Variants in LACTB2 observed in about 807,000 individuals in gnomAD.
The protein encoded by LACTB2 is lactamase beta 2, also known as endoribonuclease LACTB2.
In LACTB2, 32 loss-of-function variants were observed where a neutral mutation model predicts 34.8. The observed-to-expected ratio is 0.92, with a 90% CI of 0.69 to 1.24. The LOEUF (loss-of-function observed/expected upper bound fraction) is 1.24, where lower values mean the gene tolerates loss of function less well. Ranked by LOEUF, LACTB2 falls within the 50% of genes most tolerant of loss-of-function variation. The pLI is 0.00. For missense variants in LACTB2, 320 were observed against 345.0 expected (o/e 0.93, Z 0.57); for synonymous variants, 120 against 117.5 (o/e 1.02, Z -0.14).
chr8:70,645,543 G>A (rs573736864), intron 3 of LACTB2, among the ~76,000 whole-genome samples: 140 of 151,100 alleles, frequency 9.3e-4, no homozygotes, highest in Non-Finnish European at 1.4e-3. Flanking sequence ...TGTGCACAAC[G>A]TGCAGGTTAG....
intron 3 of LACTB2, among the ~76,000 whole-genome samples, chr8:70,655,535 CT>C (rs1818400039): frequency 6.6e-6 from 1 of 152,036 alleles, no homozygotes; most frequent in South Asian, 2.1e-4. Flanking sequence ...TAATTCATTC[CT>C]TTTTATGGCT....
At chr8:70,666,470 G>A (rs1271055814) in intron 1 of LACTB2, among the ~76,000 whole-genome samples, 1 of 152,198 alleles carries the variant, frequency 6.6e-6, no homozygotes, top group African/African-American at 2.4e-5. Flanking sequence ...CTGAGACAGG[G>A]AATCACAAAC....
intron 2 of LACTB2, chr8:70,660,594 T>A (rs962050197): frequency 1.1e-5 from 5 of 456,220 alleles, no homozygotes; most frequent in Non-Finnish European, 2.2e-5. Context: ...GCCCTGAATG[T>A]GCCAACCACA....
At chr8:70,643,558 A>G (rs112729006) in intron 4 of LACTB2, among the ~76,000 whole-genome samples, 7 of 151,592 alleles carry the variant, frequency 4.6e-5, no homozygotes, top group African/African-American at 1.7e-4. Context: ...TCTGTCACCC[A>G]GGCTGGCATG....
chr8:70,647,059 A>G (rs1428906476), intron 3 of LACTB2, among the ~76,000 whole-genome samples: 1 of 152,218 alleles, frequency 6.6e-6, no homozygotes, highest in African/African-American at 2.4e-5. Flanking sequence ...TCCTTACACT[A>G]CTTTGGGTTG....
At chr8:70,668,092 T>C (rs1391957022) in intron 1 of LACTB2, among the ~76,000 whole-genome samples, 1 of 152,224 alleles carries the variant, frequency 6.6e-6, no homozygotes, top group Non-Finnish European at 1.5e-5. Flanking sequence ...GGTCTGCTGC[T>C]TCTAAAATTC....
chr8:70,640,887 A>C lies in LACTB2; in HGVS notation c.741+15T>G. 1 of 1,562,394 alleles carries C rather than the reference A, an allele frequency of 6.4e-7. No individual in the cohort carries two copies. Among genetic ancestry groups the C allele is most frequent in the Non-Finnish European group, 8.6e-7 (1 of 1,158,002 alleles). ...AAATTTGTGGCTACATACAAATAAG[A>C]AAACTGAAAATTACCTTGTAAATAA... On this transcript the variant is annotated intron_variant, in intron 5 of 6. Transcript: ENST00000276590.
At chr8:70,665,529 A>C (rs1472633478) in intron 1 of LACTB2, among the ~76,000 whole-genome samples, 4 of 152,228 alleles carry the variant, frequency 2.6e-5, no homozygotes, top group Non-Finnish European at 5.9e-5. Context: ...AGATGTTATG[A>C]GGAAAGCAGA....
At chr8:70,660,606 T>C (rs926580593) in intron 2 of LACTB2, 2 of 456,290 alleles carry the variant, frequency 4.4e-6, no homozygotes, top group Non-Finnish European at 8.8e-6. Context: ...CCAACCACAC[T>C]CTCATTCCAC....
At chr8:70,665,373 T>C (rs1164334421) in intron 1 of LACTB2, among the ~76,000 whole-genome samples, 5 of 152,226 alleles carry the variant, frequency 3.3e-5, no homozygotes, top group African/African-American at 1.2e-4. Flanking sequence ...AAATTTTTAA[T>C]TGATGGAAAA....
intron 2 of LACTB2, 109 bp from the exon 3 acceptor site, chr8:70,657,991 C>T (rs1345560274): frequency 1.5e-6 from 1 of 647,048 alleles, no homozygotes; most frequent in Non-Finnish European, 2.4e-6. Flanking sequence ...AAAATATTAA[C>T]ATTAAGAGAC....
intron 3 of LACTB2, among the ~76,000 whole-genome samples, chr8:70,650,735 CAAAAAAAAAAAAA>C (rs61025700): frequency 1.1e-4 from 5 of 46,206 alleles, no homozygotes; most frequent in Admixed American, 3.5e-4. Flanking sequence ...GACTCCATCT[CAAAAAAAAAAAAA>C]AAAAAAAAAA....
At chr8:70,651,415 G>A (rs1490209502) in intron 3 of LACTB2, among the ~76,000 whole-genome samples, 1 of 152,120 alleles carries the variant, frequency 6.6e-6, no homozygotes, top group Non-Finnish European at 1.5e-5. Context: ...ATTCCAAGGG[G>A]TGTATTTCCA....
chr8:70,666,810 C>T (rs573220726), intron 1 of LACTB2, among the ~76,000 whole-genome samples: 300 of 152,228 alleles, frequency 2.0e-3, no homozygotes, highest in Non-Finnish European at 3.6e-3. Context: ...CCTTTGATGG[C>T]TTTGTTTATC....
At chr8:70,653,299 G>A (rs1373947817) in intron 3 of LACTB2, among the ~76,000 whole-genome samples, 1 of 152,076 alleles carries the variant, frequency 6.6e-6, no homozygotes, top group Non-Finnish European at 1.5e-5. Flanking sequence ...TTTTGGTAGA[G>A]ATGGGGTTTC....
intron 4 of LACTB2, 122 bp from the exon 5 acceptor site, chr8:70,641,172 C>T: frequency 1.1e-6 from 1 of 890,542 alleles, no homozygotes. Flanking sequence ...TACTAAATGT[C>T]AAATATGAAC....
intron 1 of LACTB2, among the ~76,000 whole-genome samples, chr8:70,667,987 A>G (rs1388346185): frequency 6.6e-6 from 1 of 152,140 alleles, no homozygotes; most frequent in Non-Finnish European, 1.5e-5. Context: ...TTAATTCTCT[A>G]TCCTCCTAGA....
intron 5 of LACTB2, among the ~76,000 whole-genome samples, chr8:70,639,753 G>A (rs569474439): frequency 3.3e-5 from 5 of 151,386 alleles, no homozygotes; most frequent in South Asian, 4.2e-4. Flanking sequence ...ACCTGAGGTC[G>A]GGAGTTCGAG....
intron 2 of LACTB2, chr8:70,661,145 T>G (rs960805478): frequency 2.3e-6 from 1 of 431,828 alleles, no homozygotes; most frequent in Non-Finnish European, 4.6e-6. Flanking sequence ...ACAGAGTCTG[T>G]TTTGTTCACT....
Sources: gnomAD v4.1 joint callset for allele counts (sites outside exome capture counted in the v4.1 genomes callset) on GRCh38, gnomAD v4.1.1 for gene constraint, MANE v1.5 for transcripts, NCBI Gene and HGNC (gene_info 2026-07-23, HGNC 2026-07-21) for gene names.